Variants in MIDEAS observed in about 807,000 individuals in gnomAD.
MIDEAS encodes the protein mitotic deacetylase-associated SANT domain protein.
A neutral mutation model predicts 102.7 loss-of-function variants in MIDEAS; 26 were observed. The observed-to-expected ratio is 0.25, with a 90% CI of 0.19 to 0.35. MIDEAS has a LOEUF of 0.35. Ranked by LOEUF, MIDEAS falls within the 10% of genes least tolerant of loss-of-function variation. MIDEAS has a pLI of 1.00. For missense variants in MIDEAS, 1,231 were observed against 1,435.6 expected, an observed-to-expected ratio of 0.86 and a Z score of 2.30; for synonymous variants, 585 against 591.0, an observed-to-expected ratio of 0.99 and a Z score of 0.15.
At chr14:73,719,171 T>C (rs2052944961) in intron 12 of MIDEAS, 134 bp downstream of exon 12, 2 of 1,486,448 alleles carry the variant, frequency 1.3e-6, no homozygotes, top group Non-Finnish European at 1.8e-6. Context: ...GTCACAGCCC[T>C]AGAAACCCGC....
At position 73,738,595 on chromosome 14, in the gene MIDEAS, T is replaced by C; in HGVS notation, c.1414A>G (p.Lys472Glu). Residue 472 changes from lysine (K) to glutamate (E), a missense_variant, in exon 2 of 13, where the codon AAG becomes GAG. This residue lies in a region of MIDEAS where 758 missense variants were observed against 856.0 expected (regional missense o/e 0.89). Transcript: ENST00000423556. ...TGCAGTGAGGCCAGCTCCACAGCCT[T>C]CTGGGCCAGGGTCAGCAAATTGGCC... ...QEANLLTLAQ[K>E]AVELASLQNA... 8 of 1,603,048 alleles carry C rather than the reference T, an allele frequency of 5.0e-6. No homozygotes were observed. Among genetic ancestry groups the C allele is most frequent in the Non-Finnish European group, 6.8e-6 (8 of 1,174,224 alleles).
chr14:73,721,482 G>C lies in MIDEAS; in HGVS notation c.2752C>G (p.Leu918Val). 1 of 1,614,132 alleles carries C rather than the reference G, an allele frequency of 6.2e-7. No homozygotes were observed. The highest frequency in any genetic ancestry group is 2.2e-5 in the East Asian group (1 of 44,880). Residue 918 changes from leucine to valine, a missense_variant, in exon 11 of 13, where the codon CTT becomes GTT. By Grantham distance (32) the Leu-to-Val change is conservative. Around this residue, in one of 5 missense-constraint regions of MIDEAS, gnomAD observed 391 missense variants for 483.0 expected, o/e 0.81. Transcript: ENST00000423556. ...TCACTTGGGGACTCTCTTCTGGGAAGAGGCACCCTTGGGAACTTTTGGGAA... is the reference window on the plus strand; with the variant it reads ...TCACTTGGGGACTCTCTTCTGGGAACAGGCACCCTTGGGAACTTTTGGGAA... ...KTSQKFPRVP[L>V]PRRESPSEER...
In MIDEAS at chr14:73,720,871, T is replaced by A. The variant is rs1391256772; in HGVS notation, c.2937+426A>T. Among the ~76,000 whole-genome samples, 6 of 152,344 alleles carry A rather than the reference T, an allele frequency of 3.9e-5. No homozygotes were observed. The South Asian group carries it at 1.0e-3, about 26-fold the overall frequency. ...TGAGGGCCTATGATTGTCATTCCCA[T>A]GGTCTCAGCTCAGTCTCATTCTTGT... On this transcript the variant is annotated intron_variant, in intron 11 of 12. Transcript: ENST00000423556.
intron 1 of MIDEAS, among the ~76,000 whole-genome samples, chr14:73,766,846 C>T (rs1036129113): frequency 4.1e-5 from 6 of 147,768 alleles, no homozygotes; most frequent in East Asian, 1.9e-4. Flanking sequence ...TGCCACTGCC[C>T]GGCCATTTTT....
At chr14:73,755,801 A>G (rs1270563781) in intron 1 of MIDEAS, among the ~76,000 whole-genome samples, 2 of 152,188 alleles carry the variant, frequency 1.3e-5, no homozygotes, top group East Asian at 3.8e-4. Flanking sequence ...TTCCTACTAT[A>G]AACAGGACAC....
At chr14:73,768,511 C>CTT (rs59819061) in intron 1 of MIDEAS, among the ~76,000 whole-genome samples, 30 of 138,382 alleles carry the variant, frequency 2.2e-4, no homozygotes, top group Non-Finnish European at 3.5e-4. Flanking sequence ...TTATTGCCAA[C>CTT]TTTTTTTTTT....
chr14:73,718,585 C>T lies in MIDEAS; in HGVS notation c.*258G>A, dbSNP rs1566579464. On this transcript the variant is annotated 3_prime_UTR_variant, in exon 13 of 13. Coordinates refer to ENST00000423556, the MANE Select transcript of MIDEAS (RefSeq NM_001367710.1). ...GGAGTCCCTCCCGAGGGGACCGGGA[C>T]TCTCCCGGTCCAGGAAAGCACGAGG... 2 of 342,106 alleles carry T rather than the reference C, an allele frequency of 5.8e-6. No individual in the cohort carries two copies. The highest frequency in any genetic ancestry group is 4.5e-5 in the East Asian group (1 of 22,240). 21.2% of individuals were successfully genotyped at this position (342,106 alleles called of 1,614,324 possible). A position where few individuals can be genotyped will look rare whatever the true frequency, so the allele number is the denominator to read the frequency against.
intron 1 of MIDEAS, among the ~76,000 whole-genome samples, chr14:73,777,016 G>A (rs1304720406): frequency 6.6e-6 from 1 of 151,906 alleles, no homozygotes; most frequent in East Asian, 1.9e-4. Flanking sequence ...GTTGCAGTGA[G>A]CCGAGATCAC....
At chr14:73,768,510 ACTTTTTTTTT>A (rs774545853) in intron 1 of MIDEAS, among the ~76,000 whole-genome samples, 2 of 98,082 alleles carry the variant, frequency 2.0e-5, no homozygotes, top group African/African-American at 3.9e-5. Flanking sequence ...TTTATTGCCA[ACTTTTTTTTT>A]TTTTTTTTTT....
intron 1 of MIDEAS, among the ~76,000 whole-genome samples, chr14:73,749,637 T>C (rs2053397873): frequency 6.7e-6 from 1 of 150,066 alleles, no homozygotes; most frequent in Non-Finnish European, 1.5e-5. Flanking sequence ...CTCTCTACAA[T>C]AGATCATCAT....
intron 1 of MIDEAS, among the ~76,000 whole-genome samples, chr14:73,756,267 A>AGTGTGTGTGTGTGTGT (rs772519833): frequency 1.1e-4 from 15 of 141,134 alleles, no homozygotes; most frequent in African/African-American, 3.4e-4. Flanking sequence ...AGCCCATGTC[A>AGTGTGTGTGTGTGTGT]GTGTGTGTGT....
chr14:73,734,323 A>AAG (rs1213143946), intron 3 of MIDEAS, among the ~76,000 whole-genome samples: 1 of 152,204 alleles, frequency 6.6e-6, no homozygotes, highest in African/African-American at 2.4e-5. Flanking sequence ...TTCTTGACCA[A>AAG]AGAGCTAAGT....
intron 2 of MIDEAS, among the ~76,000 whole-genome samples, chr14:73,737,684 C>G (rs181889473): frequency 6.6e-6 from 1 of 151,930 alleles, no homozygotes; most frequent in Admixed American, 6.6e-5. Flanking sequence ...GACCCTCATT[C>G]CCATTTAGTC....
rs2053265010 is a variant in MIDEAS at position 73,740,101 on chromosome 14, G to C, written c.-93C>G. On this transcript the variant is annotated 5_prime_UTR_variant, in exon 2 of 13. Transcript: ENST00000423556. Reference sequence around the variant, plus strand: ...CTGCTGGAAGCCGGGCTCTAGTCCAGGAGCCAGGGAGGGCAGAGCAGGGGC... The same window carrying C: ...CTGCTGGAAGCCGGGCTCTAGTCCACGAGCCAGGGAGGGCAGAGCAGGGGC... 2 of 1,397,134 alleles carry C rather than the reference G, an allele frequency of 1.4e-6. No individual in the cohort carries two copies. Among genetic ancestry groups the C allele is most frequent in the Non-Finnish European group, 1.9e-6 (2 of 1,075,844 alleles). 86.5% of individuals were successfully genotyped at this position (1,397,134 alleles called of 1,614,324 possible). A position where few individuals can be genotyped will look rare whatever the true frequency, so the allele number is the denominator to read the frequency against.
chr14:73,722,701 A>G lies in MIDEAS; in HGVS notation c.2721T>C (p.Ile907=), dbSNP rs754403831. 1.9e-6 allele frequency: 3 copies of G among 1,613,794 alleles called. No homozygotes were observed. The change falls in exon 10 of 13, where the codon ATT becomes ATC. Residue 907 remains isoleucine, a synonymous_variant. Transcript: ENST00000423556. The part of the protein sequence containing the change: ...KSAQEEVEVD[I]KTSQKFPRVP... ...CTGAGGTTGGAAAAGGAGTCACCTT[A>G]ATATCCACTTCAACCTCTTCCTGGG...
chr14:73,788,403 A>G (rs1387343442), upstream of MIDEAS, among the ~76,000 whole-genome samples: 1 of 152,156 alleles, frequency 6.6e-6, no homozygotes, highest in African/African-American at 2.4e-5. Flanking sequence ...ACTTGAGTGA[A>G]GGCTTTGTTC....
intron 9 of MIDEAS, 128 bp from the exon 10 acceptor site, chr14:73,722,975 G>A (rs2053016279): frequency 2.0e-6 from 2 of 1,018,490 alleles, no homozygotes; most frequent in African/African-American, 1.6e-5. Context: ...GCCAACCCAG[G>A]CAATACAAGC....
chr14:73,783,335 G>A (rs1024618620), intron 1 of MIDEAS, among the ~76,000 whole-genome samples: 5 of 152,258 alleles, frequency 3.3e-5, no homozygotes, highest in East Asian at 1.9e-4. Context: ...TGAGCCAAGC[G>A]GATGAGAGGA....
chr14:73,774,907 G>A (rs1401729055), intron 1 of MIDEAS, among the ~76,000 whole-genome samples: 1 of 152,044 alleles, frequency 6.6e-6, no homozygotes, highest in African/African-American at 2.4e-5. Flanking sequence ...AGCACCTACT[G>A]TGTGCCAGCC....
Sources: allele counts gnomAD v4.1 joint callset (sites outside exome capture counted in the v4.1 genomes callset), GRCh38; gene constraint gnomAD v4.1.1; regional missense constraint gnomAD v4.1.1; transcripts MANE v1.5; gene names NCBI Gene and HGNC (gene_info 2026-07-23, HGNC 2026-07-21).